The following RANBP17 variants were observed in gnomAD, a reference collection of about 807,000 sequenced individuals.
RANBP17 encodes the protein RAN binding protein 17.
Under a neutral mutation model 141.2 loss-of-function variants are expected in RANBP17, and 158 were observed. The observed-to-expected ratio is 1.12, with a 90% CI of 0.98 to 1.28. RANBP17 has a LOEUF of 1.28. RANBP17 is among the 50% of genes most tolerant of loss of function. The probability of loss-of-function intolerance (pLI) is 0.00; values close to 1 mark genes in which losing one functional copy is unlikely to be tolerated. For synonymous variants in RANBP17, 430 were observed against 450.0 expected, an observed-to-expected ratio of 0.96 and a Z score of 0.56; for missense variants, 1,438 against 1,290.7, an observed-to-expected ratio of 1.11 and a Z score of -1.75.
chr5:171,292,791 C>G (rs1323512051), intron 25 of RANBP17, among the ~76,000 whole-genome samples: 1 of 152,200 alleles, frequency 6.6e-6, no homozygotes, highest in Admixed American at 6.5e-5. Context: ...GGTCTTTCTC[C>G]TTTAGTTTCA....
intron 14 of RANBP17, among the ~76,000 whole-genome samples, chr5:171,069,065 GT>G (rs1784486371): frequency 6.6e-6 from 1 of 152,180 alleles, no homozygotes; most frequent in African/African-American, 2.4e-5. Context: ...CCTGACAGCA[GT>G]TTACCTGAAT....
chr5:171,040,374 G>T (rs1043255483), intron 14 of RANBP17, among the ~76,000 whole-genome samples: 2 of 152,162 alleles, frequency 1.3e-5, no homozygotes, highest in African/African-American at 4.8e-5. Context: ...TAATTTTAGA[G>T]CTTTTAGTTG....
intron 1 of RANBP17, among the ~76,000 whole-genome samples, chr5:170,873,446 G>A (rs906790932): frequency 6.6e-6 from 1 of 152,160 alleles, no homozygotes; most frequent in Non-Finnish European, 1.5e-5. Context: ...TTGTACCTCT[G>A]GTAGAATTCG....
chr5:171,015,046 A>C (rs920904865), intron 14 of RANBP17, among the ~76,000 whole-genome samples: 1 of 151,680 alleles, frequency 6.6e-6, no homozygotes, highest in Non-Finnish European at 1.5e-5. Flanking sequence ...TCTCCATTTC[A>C]CTGTATGTAA....
At chr5:171,223,751 T>C (rs1763714867) in intron 22 of RANBP17, among the ~76,000 whole-genome samples, 1 of 152,240 alleles carries the variant, frequency 6.6e-6, no homozygotes, top group Non-Finnish European at 1.5e-5. Flanking sequence ...TTTGTATATA[T>C]CTAATTCCAT....
intron 1 of RANBP17, among the ~76,000 whole-genome samples, chr5:170,864,910 T>C (rs1767111389): frequency 2.0e-5 from 3 of 152,200 alleles, no homozygotes. Context: ...ATCCGTATGG[T>C]CTTTTATATT....
At position 171,130,616 on chromosome 5, in the gene RANBP17, AG is replaced by A. The variant is rs562491370; in HGVS notation, c.1711-39513del. Among the ~76,000 whole-genome samples, 67 of 151,812 alleles carry A rather than the reference AG, an allele frequency of 4.4e-4. 2 individuals are homozygous for A. In the South Asian group the frequency reaches 0.014, roughly 31 times the overall value. ...CATGCCTGGCTAATTTTGTATTTTTAGTAGAGACGGGGTTTCTGCATGTTGG... is the reference window on the plus strand; with the variant it reads ...CATGCCTGGCTAATTTTGTATTTTTATAGAGACGGGGTTTCTGCATGTTGG... On this transcript the variant is annotated intron_variant, in intron 14 of 27. Transcript: ENST00000523189.
At chr5:171,042,222 A>G (rs1782297710) in intron 14 of RANBP17, among the ~76,000 whole-genome samples, 1 of 152,112 alleles carries the variant, frequency 6.6e-6, no homozygotes, top group East Asian at 1.9e-4. Flanking sequence ...AGGCCTATAC[A>G]GGGTCAGGAT....
intron 14 of RANBP17, among the ~76,000 whole-genome samples, chr5:171,025,520 C>T (rs1302079678): frequency 6.6e-6 from 1 of 151,834 alleles, no homozygotes; most frequent in South Asian, 2.1e-4. Flanking sequence ...CCTTCCCTCA[C>T]CCTCACTCCC....
At chr5:171,129,232 G>C (rs531636620) in intron 14 of RANBP17, among the ~76,000 whole-genome samples, 70 of 152,276 alleles carry the variant, frequency 4.6e-4, no homozygotes, top group African/African-American at 1.6e-3. Flanking sequence ...TAATCAAAAT[G>C]AAAATACAGT....
chr5:171,223,465 C>T (rs1348040398), intron 22 of RANBP17, among the ~76,000 whole-genome samples: 2 of 152,152 alleles, frequency 1.3e-5, no homozygotes, highest in African/African-American at 4.8e-5. Flanking sequence ...GAAACCCCGT[C>T]TCTACCAAAA....
At position 171,197,441 on chromosome 5, in the gene RANBP17, G is replaced by T. The variant is rs141893783; in HGVS notation, c.2039-2229G>T. ...AGAGTAATTAGTAAAATATCCAAAG[G>T]TAAATAATATACGGTAAAGTCAGAC... is the stretch of plus-strand genomic sequence containing the variant. On this transcript the variant is annotated intron_variant, in intron 18 of 27. Transcript: ENST00000523189. Among the ~76,000 whole-genome samples the T allele has an allele frequency of 5.4e-3, 814 of 152,138 alleles. 13 individuals carry two copies. The highest frequency in any genetic ancestry group is 0.039 in the South Asian group (187 of 4,808).
At chr5:171,237,859 A>G (rs1203681684) in intron 22 of RANBP17, among the ~76,000 whole-genome samples, 2 of 152,204 alleles carry the variant, frequency 1.3e-5, no homozygotes, top group African/African-American at 2.4e-5. Context: ...TATCATACCT[A>G]GAGAGGAAGA....
intron 14 of RANBP17, among the ~76,000 whole-genome samples, chr5:171,129,987 G>A (rs1179041408): frequency 6.6e-6 from 1 of 152,122 alleles, no homozygotes; most frequent in African/African-American, 2.4e-5. Context: ...AAAGAAAATG[G>A]ACATTTTGCA....
intron 14 of RANBP17, among the ~76,000 whole-genome samples, chr5:171,024,635 G>A (rs905823247): frequency 3.9e-5 from 6 of 152,092 alleles, no homozygotes; most frequent in African/African-American, 9.6e-5. Flanking sequence ...TCTAGAAATC[G>A]TTTCTTCTTT....
At chr5:171,047,014 C>CGT (rs372938999) in intron 14 of RANBP17, among the ~76,000 whole-genome samples, 1 of 97,762 alleles carries the variant, frequency 1.0e-5, no homozygotes, top group Admixed American at 1.3e-4. Context: ...TTTATTTTGC[C>CGT]TTTTTTTTTT....
At chr5:170,925,779 T>C (rs944623803) in intron 12 of RANBP17, among the ~76,000 whole-genome samples, 1 of 92,718 alleles carries the variant, frequency 1.1e-5, no homozygotes, top group African/African-American at 2.8e-5. Flanking sequence ...CTCAACGTTA[T>C]ACAAATGGAA....
intron 5 of RANBP17, among the ~76,000 whole-genome samples, chr5:170,901,916 G>A (rs4470774): frequency 0.026 from 4,004 of 152,252 alleles, 174 homozygotes; most frequent in African/African-American, 0.09. Flanking sequence ...GCTTCTCTTT[G>A]TGGGTAACCC....
At chr5:171,199,450 A>G (rs988907158) in intron 18 of RANBP17, among the ~76,000 whole-genome samples, 7 of 152,232 alleles carry the variant, frequency 4.6e-5, no homozygotes, top group Non-Finnish European at 8.8e-5. Flanking sequence ...CAGGAAAAAA[A>G]AAATGGCTGG....
Sources: gnomAD v4.1 joint callset for allele counts (sites outside exome capture counted in the v4.1 genomes callset) on GRCh38, gnomAD v4.1.1 for gene constraint, MANE v1.5 for transcripts, NCBI Gene and HGNC (gene_info 2026-07-23, HGNC 2026-07-21) for gene names.